TXLNB: variants seen among roughly 807,000 people sequenced by gnomAD.
TXLNB encodes taxilin beta.
TXLNB carries 37 observed loss-of-function variants against 57.4 expected under a neutral mutation model. The ratio of observed to expected loss-of-function variants is 0.64; its 90% CI spans 0.50 to 0.85. The LOEUF is 0.85. Ranked by LOEUF, TXLNB falls within the 40% of genes least tolerant of loss-of-function variation. TXLNB has a pLI of 0.00. For missense variants in TXLNB, 848 were observed against 825.6 expected, an observed-to-expected ratio of 1.03 and a Z score of -0.33; for synonymous variants, 302 against 309.6, an observed-to-expected ratio of 0.98 and a Z score of 0.26.
chr6:139,293,311 C>T (rs191252909), upstream of TXLNB, among the ~76,000 whole-genome samples: 12 of 152,142 alleles, frequency 7.9e-5, no homozygotes, highest in Middle Eastern at 3.4e-3. Context: ...AGGCTGGTCT[C>T]GAACTCCTGA....
the TXLNB span, among the ~76,000 whole-genome samples, chr6:139,191,477 T>C: frequency 6.6e-6 from 1 of 152,164 alleles, no homozygotes; most frequent in Admixed American, 6.5e-5. Flanking sequence ...TATTTCAAGT[T>C]CTCCGTAGTC....
chr6:139,164,275 A>G, the TXLNB span, among the ~76,000 whole-genome samples: 2 of 152,022 alleles, frequency 1.3e-5, no homozygotes, highest in South Asian at 2.1e-4. Flanking sequence ...ATCTATACAC[A>G]TAATCTAAAC....
At chr6:139,168,584 A>G in the TXLNB span, among the ~76,000 whole-genome samples, 2 of 151,814 alleles carry the variant, frequency 1.3e-5, no homozygotes, top group African/African-American at 2.4e-5. Flanking sequence ...TCCTGCTTCT[A>G]CCTGTCCTGG....
the TXLNB span, among the ~76,000 whole-genome samples, chr6:139,323,209 G>A: frequency 4.6e-5 from 7 of 152,024 alleles, no homozygotes; most frequent in Admixed American, 4.6e-4. Context: ...CTCAGTGTGT[G>A]GTTTGGGCTC....
At chr6:139,247,119 A>G (rs571057970) in intron 8 of TXLNB, among the ~76,000 whole-genome samples, 2 of 152,230 alleles carry the variant, frequency 1.3e-5, no homozygotes, top group East Asian at 3.9e-4. Context: ...CTACTTTTGT[A>G]TATTCATATA....
the TXLNB span, chr6:139,180,294 T>C: frequency 6.6e-6 from 1 of 152,578 alleles, no homozygotes; most frequent in East Asian, 1.9e-4. Context: ...AAGACAGATA[T>C]GTACCTTATT....
At chr6:139,290,941 TG>T (rs1777286675) in intron 1 of TXLNB, among the ~76,000 whole-genome samples, 1 of 152,202 alleles carries the variant, frequency 6.6e-6, no homozygotes, top group Admixed American at 6.5e-5. Flanking sequence ...AACACACAGA[TG>T]TTGCCACTGA....
chr6:139,179,948 T>G, the TXLNB span: 1 of 152,218 alleles, frequency 6.6e-6, no homozygotes, highest in Non-Finnish European at 1.5e-5. Flanking sequence ...GTTTTATACC[T>G]TGAGCAGATA....
chr6:139,314,485 G>A, the TXLNB span, among the ~76,000 whole-genome samples: 510 of 152,222 alleles, frequency 3.4e-3, no homozygotes, highest in African/African-American at 0.011. Context: ...CTTTCCAGAC[G>A]AAGCCAATGT....
chr6:139,166,605 A>G, the TXLNB span: 1 of 1,614,270 alleles, frequency 6.2e-7, no homozygotes, highest in Admixed American at 1.7e-5. Context: ...AAGCGGATGC[A>G]GGACGAGAAA....
intron 3 of TXLNB, among the ~76,000 whole-genome samples, chr6:139,274,992 T>C (rs1776857602): frequency 6.6e-6 from 1 of 152,182 alleles, no homozygotes; most frequent in Non-Finnish European, 1.5e-5. Flanking sequence ...AAATTGTTAA[T>C]AGCCAATGCA....
the TXLNB span, chr6:139,159,327 TC>T: frequency 3.3e-5 from 5 of 152,140 alleles, no homozygotes; most frequent in African/African-American, 1.2e-4. Context: ...GGGGATTTGT[TC>T]CCACATAAGA....
the TXLNB span, among the ~76,000 whole-genome samples, chr6:139,298,235 C>G: frequency 1.2e-3 from 179 of 152,312 alleles, 1 homozygote; most frequent in African/African-American, 4.0e-3. Context: ...GGGTGCTACA[C>G]TTGTACTTGC....
intron 7 of TXLNB, among the ~76,000 whole-genome samples, chr6:139,252,194 G>A (rs1332968489): frequency 1.3e-5 from 2 of 152,214 alleles, no homozygotes; most frequent in East Asian, 3.8e-4. Flanking sequence ...ACTTCTCTAG[G>A]AAAATAACAC....
the TXLNB span, chr6:139,166,943 A>C: frequency 6.2e-7 from 1 of 1,614,178 alleles, no homozygotes; most frequent in Non-Finnish European, 8.5e-7. Context: ...CAAGAAGGCC[A>C]TGGCTGGGGG....
chr6:139,284,558 A>T (rs1777129060), intron 2 of TXLNB, among the ~76,000 whole-genome samples: 2 of 145,340 alleles, frequency 1.4e-5, no homozygotes, highest in Admixed American at 6.7e-5. Flanking sequence ...AAAAATAAAT[A>T]AATAAGTACT....
In TXLNB at chr6:139,252,714, G is replaced by A. The variant is rs547901268; in HGVS notation, c.1077+2850C>T. On this transcript the variant is annotated intron_variant, in intron 7 of 9. Coordinates refer to ENST00000358430, the MANE Select transcript of TXLNB (RefSeq NM_153235.4). ...TGCAACTTAAGACTCCTGTTGGGCCGGGCGCAGTGGCTCACGCCTGGAATC... is the reference window on the plus strand; with the variant it reads ...TGCAACTTAAGACTCCTGTTGGGCCAGGCGCAGTGGCTCACGCCTGGAATC... Among the ~76,000 whole-genome samples the A allele has an allele frequency of 9.2e-5, 14 of 152,282 alleles. No individual in the cohort carries two copies. In the East Asian group the frequency reaches 1.2e-3, roughly 13 times the overall value.
chr6:139,203,533 G>A, the TXLNB span: 1 of 152,088 alleles, frequency 6.6e-6, no homozygotes, highest in Admixed American at 6.6e-5. Context: ...TTCTTCCCTT[G>A]GTTTCCATGA....
At chr6:139,188,458 T>A in the TXLNB span, among the ~76,000 whole-genome samples, 10 of 152,340 alleles carry the variant, frequency 6.6e-5, no homozygotes, top group East Asian at 1.7e-3. Context: ...CATTTGTTTC[T>A]CTTATCTAAA....
Sources: gnomAD v4.1 joint callset for allele counts (sites outside exome capture counted in the v4.1 genomes callset) on GRCh38, gnomAD v4.1.1 for gene constraint, MANE v1.5 for transcripts, NCBI Gene and HGNC (gene_info 2026-07-23, HGNC 2026-07-21) for gene names.